RNGTT: variants seen among roughly 807,000 people sequenced by gnomAD.
RNGTT encodes mRNA-capping enzyme.
In RNGTT, 33 loss-of-function variants were observed where a neutral mutation model predicts 79.3. The ratio of observed to expected loss-of-function variants is 0.42; its 90% CI spans 0.32 to 0.56. RNGTT has a LOEUF of 0.56. RNGTT is among the 20% of genes least tolerant of loss of function. The pLI, the probability that RNGTT is intolerant of heterozygous loss-of-function variation, is 0.17. For missense variants in RNGTT, 497 were observed against 739.1 expected (o/e 0.67, Z 3.80); for synonymous variants, 222 against 235.9 (o/e 0.94, Z 0.54).
chr6:88,733,962 CAG>C (rs1777200801), intron 13 of RNGTT, among the ~76,000 whole-genome samples: 1 of 151,424 alleles, frequency 6.6e-6, no homozygotes, highest in African/African-American at 2.4e-5. Flanking sequence ...AAGTTCTTAA[CAG>C]AGAGAAAAAA....
At chr6:88,670,636 C>T (rs1402138934) in intron 14 of RNGTT, among the ~76,000 whole-genome samples, 8 of 152,200 alleles carry the variant, frequency 5.3e-5, no homozygotes, top group Non-Finnish European at 1.2e-4. Flanking sequence ...ACATCAACTC[C>T]TGACCTAACC....
At chr6:88,715,169 T>C (rs1035007135) in intron 13 of RNGTT, among the ~76,000 whole-genome samples, 5 of 152,030 alleles carry the variant, frequency 3.3e-5, no homozygotes, top group African/African-American at 9.7e-5. Flanking sequence ...TATACACCAA[T>C]AATAGACAAA....
At chr6:88,649,524 C>T (rs1773714352) in intron 14 of RNGTT, among the ~76,000 whole-genome samples, 1 of 152,072 alleles carries the variant, frequency 6.6e-6, no homozygotes, top group South Asian at 2.1e-4. Flanking sequence ...GGTGAAACCA[C>T]GTCTTTAATA....
chr6:88,934,294 C>G (rs1784596690), intron 2 of RNGTT, among the ~76,000 whole-genome samples: 1 of 152,044 alleles, frequency 6.6e-6, no homozygotes, highest in Non-Finnish European at 1.5e-5. Flanking sequence ...TCTCAGCTTC[C>G]CAAAGTGCTA....
intron 15 of RNGTT, among the ~76,000 whole-genome samples, chr6:88,613,455 TTA>T (rs1319013595): frequency 5.3e-5 from 8 of 152,208 alleles, no homozygotes; most frequent in African/African-American, 1.9e-4. Context: ...ACTTTTGAAA[TTA>T]ACTCATCTTG....
At chr6:88,797,557 T>C (rs545049986) in intron 12 of RNGTT, among the ~76,000 whole-genome samples, 7 of 152,122 alleles carry the variant, frequency 4.6e-5, no homozygotes, top group Admixed American at 1.3e-4. Context: ...AAATGGACCT[T>C]ATATATTTGA....
chr6:88,663,492 A>G (rs778459392), intron 14 of RNGTT, among the ~76,000 whole-genome samples: 98 of 152,310 alleles, frequency 6.4e-4, no homozygotes, highest in Non-Finnish European at 1.0e-3. Context: ...CTGCAGCAGT[A>G]CTAGTAGCAA....
At chr6:88,929,759 A>G (rs1784426606) in intron 2 of RNGTT, among the ~76,000 whole-genome samples, 1 of 151,928 alleles carries the variant, frequency 6.6e-6, no homozygotes, top group African/African-American at 2.4e-5. Flanking sequence ...TTTATATCCC[A>G]GGCTTAAAAG....
intron 6 of RNGTT, 72 bp downstream of exon 6, chr6:88,904,643 C>G: frequency 6.8e-7 from 1 of 1,461,202 alleles, no homozygotes; most frequent in Middle Eastern, 2.1e-4. Flanking sequence ...GCCAATATTC[C>G]ATTTTTATAA....
intron 12 of RNGTT, among the ~76,000 whole-genome samples, chr6:88,771,299 A>ATGTGTGTG (rs1357112734): frequency 1.4e-5 from 1 of 70,724 alleles, no homozygotes; most frequent in Non-Finnish European, 2.9e-5. Context: ...GACTGTATGT[A>ATGTGTGTG]TGTATGTGTG....
At chr6:88,623,909 C>T (rs1166668231) in intron 14 of RNGTT, among the ~76,000 whole-genome samples, 2 of 151,820 alleles carry the variant, frequency 1.3e-5, no homozygotes, top group African/African-American at 4.8e-5. Flanking sequence ...CGGATGCAGA[C>T]TATAAGAATA....
chr6:88,876,937 C>T (rs994400053), intron 8 of RNGTT, among the ~76,000 whole-genome samples: 1 of 152,070 alleles, frequency 6.6e-6, no homozygotes, highest in Non-Finnish European at 1.5e-5. Flanking sequence ...TTTTTAAATA[C>T]CATTTCAAAG....
At position 88,906,402 on chromosome 6, in the gene RNGTT, G is replaced by A; in HGVS notation, c.406C>T (p.Leu136Phe). The A allele has an allele frequency of 2.5e-6, 4 of 1,603,494 alleles. No homozygotes were observed. The highest frequency in any genetic ancestry group is 2.6e-6 in the Non-Finnish European group (3 of 1,176,402). ...TTCTCCACCAAAAAGGCACATATGA[G>A]GAAACCAGTGCGATTGAAGCCATGA... ...CTHGFNRTGF[L>F]ICAFLVEKMD... The change falls in exon 5 of 16, where the codon CTC (leucine) becomes TTC (phenylalanine). Residue 136 changes from leucine to phenylalanine, a missense_variant. By Grantham distance (22) the Leu-to-Phe change is conservative. Coordinates refer to ENST00000369485, the MANE Select transcript of RNGTT (RefSeq NM_003800.5).
intron 12 of RNGTT, among the ~76,000 whole-genome samples, chr6:88,770,370 C>T (rs9294415): frequency 0.21 from 31,619 of 152,080 alleles, 4,204 homozygotes; most frequent in African/African-American, 0.37. Flanking sequence ...TCTACGACTA[C>T]AGTTGTACCT....
intron 13 of RNGTT, among the ~76,000 whole-genome samples, chr6:88,701,836 G>A (rs1775957464): frequency 7.6e-6 from 1 of 132,000 alleles, no homozygotes; most frequent in Non-Finnish European, 1.5e-5. Context: ...TAGAGACATT[G>A]TTTTAATAAG....
chr6:88,653,810 C>T (rs1270759716), intron 14 of RNGTT, among the ~76,000 whole-genome samples: 1 of 152,150 alleles, frequency 6.6e-6, no homozygotes, highest in Non-Finnish European at 1.5e-5. Flanking sequence ...CTTTCATATA[C>T]CAGCAACTGG....
At chr6:88,880,436 T>C (rs1265246628) in intron 8 of RNGTT, among the ~76,000 whole-genome samples, 1 of 152,186 alleles carries the variant, frequency 6.6e-6, no homozygotes, top group Non-Finnish European at 1.5e-5. Context: ...AGTCCCAAAT[T>C]TACCTTTTAT....
chr6:88,708,839 G>A (rs1238795123), intron 13 of RNGTT, among the ~76,000 whole-genome samples: 1 of 152,084 alleles, frequency 6.6e-6, no homozygotes, highest in Non-Finnish European at 1.5e-5. Context: ...GTTACAGATT[G>A]TGACAATACA....
At chr6:88,770,991 A>G (rs903804176) in intron 12 of RNGTT, among the ~76,000 whole-genome samples, 1 of 152,096 alleles carries the variant, frequency 6.6e-6, no homozygotes, top group African/African-American at 2.4e-5. Flanking sequence ...TTACTTACAT[A>G]TTGTAAATAA....
Sources: gnomAD v4.1 joint callset for allele counts (sites outside exome capture counted in the v4.1 genomes callset) on GRCh38, gnomAD v4.1.1 for gene constraint, MANE v1.5 for transcripts, NCBI Gene and HGNC (gene_info 2026-07-23, HGNC 2026-07-21) for gene names.